NRG3: variants seen among roughly 807,000 people sequenced by gnomAD.
NRG3 encodes pro-neuregulin-3, membrane-bound isoform.
A neutral mutation model predicts 66.9 loss-of-function variants in NRG3; 31 were observed. That is an observed-to-expected ratio of 0.46 (90% CI 0.35 to 0.63). The LOEUF is 0.63. Ranked by LOEUF, NRG3 falls within the 20% of genes least tolerant of loss-of-function variation. The pLI is 0.00. For missense variants in NRG3, 910 were observed against 878.9 expected (o/e 1.04, Z -0.45); for synonymous variants, 393 against 359.4 (o/e 1.09, Z -1.06).
chr10:81,969,606 A>G (rs2059852044), intron 1 of NRG3, among the ~76,000 whole-genome samples: 1 of 152,238 alleles, frequency 6.6e-6, no homozygotes, highest in Non-Finnish European at 1.5e-5. Flanking sequence ...CTTGTAGTTG[A>G]CAAGAGTAAG....
intron 3 of NRG3, among the ~76,000 whole-genome samples, chr10:82,801,232 C>A (rs1422333860): frequency 6.6e-6 from 1 of 152,066 alleles, no homozygotes; most frequent in African/African-American, 2.4e-5. Flanking sequence ...CATATCAGTC[C>A]AACCACCATG....
chr10:82,712,351 C>A (rs1308097525), intron 2 of NRG3, among the ~76,000 whole-genome samples: 1 of 152,128 alleles, frequency 6.6e-6, no homozygotes, highest in African/African-American at 2.4e-5. Flanking sequence ...GTATTGGGAG[C>A]AGTATCCTTG....
chr10:81,880,491 G>A (rs1348348353), intron 1 of NRG3, among the ~76,000 whole-genome samples: 1 of 152,146 alleles, frequency 6.6e-6, no homozygotes, highest in Non-Finnish European at 1.5e-5. Flanking sequence ...CAGGAGTGTT[G>A]GTGCAGTTTG....
chr10:82,801,114 A>G (rs560449541), intron 3 of NRG3, among the ~76,000 whole-genome samples: 1 of 152,222 alleles, frequency 6.6e-6, no homozygotes, highest in African/African-American at 2.4e-5. Context: ...GAAAAGGAGC[A>G]TGTGATGGAA....
intron 1 of NRG3, among the ~76,000 whole-genome samples, chr10:82,021,940 C>T (rs1156312810): frequency 2.0e-5 from 3 of 151,414 alleles, no homozygotes; most frequent in African/African-American, 4.8e-5. Flanking sequence ...TTCCTAAATT[C>T]CAGTCTTTTG....
intron 2 of NRG3, among the ~76,000 whole-genome samples, chr10:82,568,274 G>T (rs1376609957): frequency 6.6e-6 from 1 of 151,778 alleles, no homozygotes; most frequent in Non-Finnish European, 1.5e-5. Context: ...AGCATTACAG[G>T]AGCAGTTTAG....
chr10:81,924,538 T>TTACA (rs1385350268), intron 1 of NRG3, among the ~76,000 whole-genome samples: 1 of 152,162 alleles, frequency 6.6e-6, no homozygotes, highest in Admixed American at 6.5e-5. Flanking sequence ...TAAGCATGAG[T>TTACA]TACACCAGGG....
At chr10:82,692,568 C>T (rs941525875) in intron 2 of NRG3, among the ~76,000 whole-genome samples, 2 of 152,178 alleles carry the variant, frequency 1.3e-5, no homozygotes, top group Non-Finnish European at 2.9e-5. Context: ...AGGTTTCCAC[C>T]TCCCAAATTG....
intron 4 of NRG3, among the ~76,000 whole-genome samples, chr10:82,903,542 G>A (rs910353872): frequency 3.3e-5 from 5 of 152,130 alleles, no homozygotes; most frequent in African/African-American, 1.2e-4. Flanking sequence ...GCCTGCAGCT[G>A]CGGGTGCCTG....
At chr10:82,708,740 C>T (rs966164747) in intron 2 of NRG3, among the ~76,000 whole-genome samples, 19 of 152,186 alleles carry the variant, frequency 1.2e-4, no homozygotes, top group East Asian at 5.8e-4. Context: ...TTGAATTCAT[C>T]TTATTGAGCA....
At chr10:82,395,114 G>C (rs936710430) in intron 2 of NRG3, among the ~76,000 whole-genome samples, 2 of 152,172 alleles carry the variant, frequency 1.3e-5, no homozygotes, top group African/African-American at 4.8e-5. Context: ...ACCATGAGAA[G>C]AACGTATGCC....
chr10:82,523,478 G>A (rs1389444985), intron 2 of NRG3, among the ~76,000 whole-genome samples: 1 of 151,878 alleles, frequency 6.6e-6, no homozygotes, highest in Admixed American at 6.6e-5. Flanking sequence ...AGGTAATGAT[G>A]GTAAGCATAT....
intron 1 of NRG3, among the ~76,000 whole-genome samples, chr10:82,123,767 G>A (rs1215738368): frequency 6.6e-6 from 1 of 152,158 alleles, no homozygotes; most frequent in Non-Finnish European, 1.5e-5. Context: ...TGGCTGAACA[G>A]TGGAATCGTC....
At chr10:82,214,953 TG>T (rs1314385330) in intron 1 of NRG3, among the ~76,000 whole-genome samples, 1 of 152,206 alleles carries the variant, frequency 6.6e-6, no homozygotes, top group Non-Finnish European at 1.5e-5. Flanking sequence ...TACTAAAGTT[TG>T]TGCAGTCTTG....
At chr10:82,468,521 A>T (rs1840915273) in intron 2 of NRG3, among the ~76,000 whole-genome samples, 1 of 152,162 alleles carries the variant, frequency 6.6e-6, no homozygotes, top group Non-Finnish European at 1.5e-5. Context: ...CTCCCTGCTG[A>T]CCACCACCTT....
chr10:82,631,634 C>G (rs1026434636), intron 2 of NRG3, among the ~76,000 whole-genome samples: 27 of 150,978 alleles, frequency 1.8e-4, no homozygotes, highest in Admixed American at 1.8e-3. Flanking sequence ...CGCTGACCTC[C>G]ACGTTGGCAC....
At chr10:82,109,467 T>C (rs943517752) in intron 1 of NRG3, among the ~76,000 whole-genome samples, 1 of 152,092 alleles carries the variant, frequency 6.6e-6, no homozygotes, top group Non-Finnish European at 1.5e-5. Flanking sequence ...TCCAATTTTA[T>C]AGTTAAAGAT....
At chr10:82,834,822 C>T (rs986538545) in intron 3 of NRG3, among the ~76,000 whole-genome samples, 11 of 152,242 alleles carry the variant, frequency 7.2e-5, no homozygotes, top group African/African-American at 2.4e-4. Flanking sequence ...GTCATTTTTC[C>T]CTGGGCCTCA....
intron 1 of NRG3, among the ~76,000 whole-genome samples, chr10:81,986,765 A>G (rs1481966867): frequency 6.6e-6 from 1 of 152,100 alleles, no homozygotes; most frequent in Non-Finnish European, 1.5e-5. Context: ...GATCATTGCC[A>G]TCTTGATCTA....
Sources: gnomAD v4.1 joint callset for allele counts (sites outside exome capture counted in the v4.1 genomes callset) on GRCh38, gnomAD v4.1.1 for gene constraint, MANE v1.5 for transcripts, NCBI Gene and HGNC (gene_info 2026-07-23, HGNC 2026-07-21) for gene names.